The following UXS1 variants were observed in gnomAD, a reference collection of about 807,000 sequenced individuals.
The protein encoded by UXS1 is UDP-glucuronic acid decarboxylase 1.
UXS1 carries 33 observed loss-of-function variants against 62.6 expected under a neutral mutation model. The observed-to-expected ratio is 0.53, with a 90% confidence interval of 0.40 to 0.70. The LOEUF is 0.70. Ranked by LOEUF, UXS1 falls within the 30% of genes least tolerant of loss-of-function variation. The pLI, the probability that UXS1 is intolerant of heterozygous loss-of-function variation, is 0.00. For missense variants in UXS1, 434 were observed against 556.3 expected (o/e 0.78, Z 2.21); for synonymous variants, 213 against 206.8 (o/e 1.03, Z -0.26).
intron 10 of UXS1, among the ~76,000 whole-genome samples, chr2:106,108,259 T>G (rs188181083): frequency 6.6e-6 from 1 of 152,354 alleles, no homozygotes; most frequent in East Asian, 1.9e-4. Flanking sequence ...ATATTCACTG[T>G]GTGCGCTAAT....
chr2:106,166,250 C>G, intron 1 of UXS1, 167 bp from the exon 2 acceptor site: 1 of 682,144 alleles, frequency 1.5e-6, no homozygotes, highest in South Asian at 2.2e-5. Flanking sequence ...AATCTTACTA[C>G]AAAATAAGTA....
At chr2:106,138,728 C>T (rs1680859431) in intron 6 of UXS1, 1 of 985,474 alleles carries the variant, frequency 1.0e-6, no homozygotes. Flanking sequence ...CCCCATCAGA[C>T]TGTCGAGACG....
At position 106,098,727 on chromosome 2, in the gene UXS1, T is replaced by C; in HGVS notation, c.1031A>G (p.Lys344Arg). 4 of 1,611,418 alleles carry C rather than the reference T, an allele frequency of 2.5e-6. No individual in the cohort carries two copies. The South Asian group carries it at 3.3e-5, about 13-fold the overall frequency. Residue 344 changes from lysine to arginine, a missense_variant, in exon 13 of 15, where the codon AAA becomes AGA. Transcript: ENST00000283148. ...CTTATCCTACTTACCAACAAGGTTT[T>C]TAATTAACTGAGCAAATTCTAGGAT... ...HTILEFAQLI[K>R]NLVGSGSEIQ... is the part of the protein sequence containing the mutation.
At chr2:106,117,232 G>A (rs995070879) in intron 9 of UXS1, among the ~76,000 whole-genome samples, 9 of 152,230 alleles carry the variant, frequency 5.9e-5, no homozygotes, top group Non-Finnish European at 1.0e-4. Flanking sequence ...GAGCTGCTGC[G>A]ATAGGCTCTG....
At chr2:106,170,676 C>T (rs1463746977) in intron 1 of UXS1, among the ~76,000 whole-genome samples, 2 of 152,176 alleles carry the variant, frequency 1.3e-5, no homozygotes, top group African/African-American at 4.8e-5. Flanking sequence ...GACACACACA[C>T]ACAGCAAAGC....
At chr2:106,098,623 C>G (rs984006371) in intron 13 of UXS1, 93 bp downstream of exon 13, 29 of 1,028,312 alleles carry the variant, frequency 2.8e-5, no homozygotes, top group Non-Finnish European at 4.3e-5. Flanking sequence ...ATTCAATTAG[C>G]TTGTATTAAT....
At chr2:106,175,328 G>C (rs1683812973) in intron 1 of UXS1, among the ~76,000 whole-genome samples, 1 of 152,224 alleles carries the variant, frequency 6.6e-6, no homozygotes, top group African/African-American at 2.4e-5. Context: ...CATGTGAGCT[G>C]TATCGAAAAG....
At chr2:106,138,370 C>T (rs537491577) in intron 6 of UXS1, 10 of 985,610 alleles carry the variant, frequency 1.0e-5, no homozygotes, top group African/African-American at 1.7e-5. Flanking sequence ...GATGAGCTCA[C>T]TGAGCACAAG....
chr2:106,142,042 T>C (rs909425736), intron 6 of UXS1, among the ~76,000 whole-genome samples: 67 of 151,560 alleles, frequency 4.4e-4, no homozygotes, highest in Admixed American at 1.6e-3. Context: ...AGCTAACTTT[T>C]TGTATTTTTG....
chr2:106,170,478 A>T (rs1318995907), intron 1 of UXS1, among the ~76,000 whole-genome samples: 1 of 152,262 alleles, frequency 6.6e-6, no homozygotes, highest in Non-Finnish European at 1.5e-5. Context: ...CGTTGAATGC[A>T]TGCCAAGTAA....
rs192576194 is a variant in UXS1, at chr2:106,103,320, T to C, written c.923+1474A>G. Among the ~76,000 whole-genome samples the C allele has an allele frequency of 9.3e-3, 1,409 of 152,260 alleles. 25 individuals are homozygous for C. The highest frequency in any genetic ancestry group is 0.032 in the African/African-American group (1,327 of 41,536). ...ACTGGTTTCCTTTTACCGCACAACA[T>C]CTCATTGATATTCCATGTGGTGTGG... On this transcript the variant is annotated intron_variant, in intron 11 of 14. Transcript: ENST00000283148.
chr2:106,096,070 G>A (rs536031357), intron 14 of UXS1, among the ~76,000 whole-genome samples: 27 of 152,344 alleles, frequency 1.8e-4, no homozygotes, highest in African/African-American at 6.3e-4. Flanking sequence ...CGGGGCTGAT[G>A]GGGACCACTT....
At chr2:106,163,074 G>C (rs1682999265) in intron 4 of UXS1, among the ~76,000 whole-genome samples, 1 of 152,182 alleles carries the variant, frequency 6.6e-6, no homozygotes, top group Non-Finnish European at 1.5e-5. Flanking sequence ...AGTCCTGGAG[G>C]CTGAGGCTCA....
intron 1 of UXS1, among the ~76,000 whole-genome samples, chr2:106,192,821 C>T (rs1411081324): frequency 6.6e-6 from 1 of 152,112 alleles, no homozygotes; most frequent in African/African-American, 2.4e-5. Context: ...GTACCGATTT[C>T]CCAGGGTTGC....
At chr2:106,123,229 G>T (rs1181716991) in intron 8 of UXS1, 138 bp from the exon 9 acceptor site, 18 of 1,209,320 alleles carry the variant, frequency 1.5e-5, no homozygotes, top group Non-Finnish European at 1.7e-5. Context: ...GGCAACCTCA[G>T]GTTTCCAGTC....
At chr2:106,178,861 G>A (rs1684071403) in intron 1 of UXS1, among the ~76,000 whole-genome samples, 1 of 151,178 alleles carries the variant, frequency 6.6e-6, no homozygotes, top group Admixed American at 6.6e-5. Flanking sequence ...ACCACAGAAT[G>A]CCTTCCAGCT....
intron 11 of UXS1, chr2:106,102,227 G>A (rs557374513): frequency 6.6e-6 from 1 of 152,192 alleles, no homozygotes. Context: ...CTAGCAAAAA[G>A]TCACTTCATC....
At chr2:106,172,435 CTT>C (rs1558749496) in intron 1 of UXS1, among the ~76,000 whole-genome samples, 2 of 152,330 alleles carry the variant, frequency 1.3e-5, no homozygotes, top group South Asian at 4.1e-4. Context: ...ATGCAGGTCT[CTT>C]TTTAAAAATT....
rs1428643010 is a variant in UXS1, at chr2:106,116,751, C to T, written c.760-3986G>A. Among the ~76,000 whole-genome samples, 6 of 152,120 alleles carry T rather than the reference C, an allele frequency of 3.9e-5. No individual in the cohort carries two copies. In the East Asian group the frequency reaches 5.8e-4, roughly 15 times the overall value. ...CCTGTGTGACCACAGCTCTGATTAC[C>T]GAGTGAATGGAAAACACTAAGAAGT... On this transcript the variant is annotated intron_variant, in intron 9 of 14. Coordinates refer to ENST00000283148, the MANE Select transcript of UXS1 (RefSeq NM_001253875.2).
Sources: gnomAD v4.1 joint callset for allele counts (sites outside exome capture counted in the v4.1 genomes callset) on GRCh38, gnomAD v4.1.1 for gene constraint, MANE v1.5 for transcripts, NCBI Gene and HGNC (gene_info 2026-07-23, HGNC 2026-07-21) for gene names.